The following SPIDR variants were observed in gnomAD, a reference collection of about 807,000 sequenced individuals.
SPIDR encodes the protein scaffold protein involved in DNA repair.
Under a neutral mutation model 104.6 loss-of-function variants are expected in SPIDR, and 93 were observed. The observed-to-expected ratio is 0.89, with a 90% confidence interval of 0.75 to 1.06. SPIDR has a LOEUF of 1.06. Ranked by LOEUF, SPIDR falls within the 50% of genes least tolerant of loss-of-function variation. The pLI, the probability that SPIDR is intolerant of heterozygous loss-of-function variation, is 0.00. For missense variants in SPIDR, 1,154 were observed against 1,111.2 expected, an observed-to-expected ratio of 1.04 and a Z score of -0.55; for synonymous variants, 431 against 416.9, an observed-to-expected ratio of 1.03 and a Z score of -0.41.
intron 8 of SPIDR, among the ~76,000 whole-genome samples, chr8:47,454,808 G>C (rs563935974): frequency 6.6e-6 from 1 of 152,098 alleles, no homozygotes; most frequent in African/African-American, 2.4e-5. Context: ...TGAGGCTACA[G>C]TGTGCTATGA....
intron 1 of SPIDR, among the ~76,000 whole-genome samples, chr8:47,278,700 C>T (rs1391920434): frequency 2.6e-5 from 4 of 151,912 alleles, no homozygotes; most frequent in South Asian, 2.1e-4. Context: ...CTTTGCCTTC[C>T]GGGGTCAAGC....
chr8:47,407,739 A>G, intron 6 of SPIDR, 122 bp from the exon 7 acceptor site: 1 of 482,360 alleles, frequency 2.1e-6, no homozygotes. Flanking sequence ...TAACAAATAT[A>G]CGTTAAAATT....
chr8:47,314,606 A>G (rs1047885948), intron 5 of SPIDR, among the ~76,000 whole-genome samples: 10 of 152,034 alleles, frequency 6.6e-5, no homozygotes. Flanking sequence ...CTTAGAACTC[A>G]CTCATTATCA....
chr8:47,288,647 G>A (rs1271459170), intron 3 of SPIDR, among the ~76,000 whole-genome samples: 1 of 152,152 alleles, frequency 6.6e-6, no homozygotes, highest in Non-Finnish European at 1.5e-5. Flanking sequence ...AATGTCTTTT[G>A]CAAGTACTCA....
At chr8:47,439,073 A>T (rs1400673095) in intron 7 of SPIDR, among the ~76,000 whole-genome samples, 1 of 152,030 alleles carries the variant, frequency 6.6e-6, no homozygotes, top group Non-Finnish European at 1.5e-5. Flanking sequence ...TATTTTTTTT[A>T]ATTAAAAAGC....
intron 9 of SPIDR, 33 bp from the exon 10 acceptor site, chr8:47,598,913 C>T: frequency 6.2e-7 from 1 of 1,611,648 alleles, no homozygotes; most frequent in South Asian, 1.1e-5. Flanking sequence ...CTTTGTGAGT[C>T]TTGAAACTGT....
At chr8:47,513,262 A>G (rs2082636752) in intron 8 of SPIDR, among the ~76,000 whole-genome samples, 1 of 152,240 alleles carries the variant, frequency 6.6e-6, no homozygotes, top group African/African-American at 2.4e-5. Context: ...GATTCTTAAC[A>G]AACAGGTTTT....
At chr8:47,502,782 A>C (rs1462646544) in intron 8 of SPIDR, among the ~76,000 whole-genome samples, 2 of 152,204 alleles carry the variant, frequency 1.3e-5, no homozygotes, top group Admixed American at 1.3e-4. Context: ...TTAGTGCTAT[A>C]AATTTCCCTC....
intron 11 of SPIDR, among the ~76,000 whole-genome samples, chr8:47,695,870 T>G (rs2079260515): frequency 6.6e-6 from 1 of 152,198 alleles, no homozygotes; most frequent in Non-Finnish European, 1.5e-5. Context: ...ATATGTAAAT[T>G]TAGCATTGTT....
intron 5 of SPIDR, among the ~76,000 whole-genome samples, chr8:47,297,496 G>A (rs909384011): frequency 2.6e-5 from 4 of 151,860 alleles, no homozygotes; most frequent in Non-Finnish European, 4.4e-5. Context: ...TAGGGTACAT[G>A]TGCAAAACGT....
At chr8:47,402,045 C>G (rs1554663412) in intron 6 of SPIDR, among the ~76,000 whole-genome samples, 1 of 152,200 alleles carries the variant, frequency 6.6e-6, no homozygotes, top group Non-Finnish European at 1.5e-5. Flanking sequence ...TTCTCAGCAC[C>G]ACATCGCACT....
At chr8:47,313,006 A>G (rs1473592726) in intron 5 of SPIDR, among the ~76,000 whole-genome samples, 2 of 152,208 alleles carry the variant, frequency 1.3e-5, no homozygotes, top group Non-Finnish European at 2.9e-5. Context: ...GGCACAAGAC[A>G]GGGATGCCCT....
intron 7 of SPIDR, among the ~76,000 whole-genome samples, chr8:47,430,102 C>T (rs1224151784): frequency 6.6e-6 from 1 of 152,150 alleles, no homozygotes; most frequent in African/African-American, 2.4e-5. Context: ...CACTGGTGAG[C>T]CTTCCCAGCA....
chr8:47,571,788 A>T (rs2058555222), intron 8 of SPIDR, among the ~76,000 whole-genome samples: 1 of 152,206 alleles, frequency 6.6e-6, no homozygotes, highest in African/African-American at 2.4e-5. Flanking sequence ...ACAATAATAA[A>T]GTAGAACAAT....
At chr8:47,712,430 G>T (rs1352388182) in intron 14 of SPIDR, among the ~76,000 whole-genome samples, 1 of 152,200 alleles carries the variant, frequency 6.6e-6, no homozygotes, top group Non-Finnish European at 1.5e-5. Flanking sequence ...ATGGAATGCT[G>T]CCAGGGAAGG....
chr8:47,708,164 T>C (rs964106439), intron 14 of SPIDR, among the ~76,000 whole-genome samples: 4 of 152,208 alleles, frequency 2.6e-5, no homozygotes, highest in African/African-American at 9.7e-5. Flanking sequence ...CCGGGCATGA[T>C]GGCAGGTGCC....
intron 10 of SPIDR, among the ~76,000 whole-genome samples, chr8:47,616,028 G>T (rs2064262874): frequency 6.6e-6 from 1 of 151,864 alleles, no homozygotes; most frequent in Non-Finnish European, 1.5e-5. Context: ...TGTTGATCTT[G>T]TATCCTGCAA....
chr8:47,353,013 C>T (rs1337600506), intron 5 of SPIDR, among the ~76,000 whole-genome samples: 1 of 139,252 alleles, frequency 7.2e-6, no homozygotes, highest in African/African-American at 2.6e-5. Context: ...AAGATCATGC[C>T]ACTGCACTCC....
intron 8 of SPIDR, among the ~76,000 whole-genome samples, chr8:47,506,802 C>G (rs1024335140): frequency 6.6e-6 from 1 of 152,078 alleles, no homozygotes; most frequent in African/African-American, 2.4e-5. Context: ...AAAATGGTAT[C>G]CTGTCATGAT....
Sources: gnomAD v4.1 joint callset for allele counts (sites outside exome capture counted in the v4.1 genomes callset) on GRCh38, gnomAD v4.1.1 for gene constraint, MANE v1.5 for transcripts, NCBI Gene and HGNC (gene_info 2026-07-23, HGNC 2026-07-21) for gene names.